Variants in GMDS observed in about 807,000 individuals in gnomAD.
The protein encoded by GMDS is GDP-mannose 4,6 dehydratase.
Under a neutral mutation model 49.9 loss-of-function variants are expected in GMDS, and 20 were observed. That is an observed-to-expected ratio of 0.40 (90% CI 0.28 to 0.58). The LOEUF is 0.58. Among genes scored for constraint, GMDS ranks in the 20% least tolerant of loss-of-function variants. GMDS has a pLI of 0.42. For missense variants in GMDS, 362 were observed against 481.4 expected (o/e 0.75, Z 2.32); for synonymous variants, 177 against 178.6 (o/e 0.99, Z 0.07).
In GMDS at chr6:2,119,238, C is replaced by A. The variant is rs538035224; in HGVS notation, c.148-1682G>T. 2.6e-5 allele frequency among the ~76,000 whole-genome samples: 4 copies of A among 152,216 alleles called. No homozygotes were observed. In the South Asian group the frequency reaches 8.3e-4, roughly 32 times the overall value. ...GACATGCCATTTATTAATATATATT[C>A]ATTACATATAAACATAAAAAGCTTT... On this transcript the variant is annotated intron_variant, in intron 2 of 10. Transcript: ENST00000380815.
intron 7 of GMDS, among the ~76,000 whole-genome samples, chr6:1,820,575 C>G (rs1227072806): frequency 6.6e-6 from 1 of 152,124 alleles, no homozygotes; most frequent in Non-Finnish European, 1.5e-5. Context: ...CAATTCCATA[C>G]AGATGAATTA....
At chr6:1,691,494 A>G (rs1765173653) in intron 9 of GMDS, among the ~76,000 whole-genome samples, 1 of 152,288 alleles carries the variant, frequency 6.6e-6, no homozygotes, top group East Asian at 1.9e-4. Context: ...CATCCTGCAC[A>G]TGGTCCCCGG....
chr6:2,073,137 G>A (rs1328188198), intron 4 of GMDS, among the ~76,000 whole-genome samples: 1 of 152,100 alleles, frequency 6.6e-6, no homozygotes, highest in African/African-American at 2.4e-5. Context: ...ATTTCTGCCC[G>A]CACCGCTTTG....
chr6:1,736,991 C>T (rs1418630440), intron 8 of GMDS, among the ~76,000 whole-genome samples: 2 of 152,188 alleles, frequency 1.3e-5, no homozygotes, highest in African/African-American at 2.4e-5. Flanking sequence ...GATCGGCCTC[C>T]AGAGGCTTCA....
chr6:1,737,786 TACAC>T (rs1255397961), intron 8 of GMDS, among the ~76,000 whole-genome samples: 7 of 84,030 alleles, frequency 8.3e-5, no homozygotes, highest in African/African-American at 3.1e-4. Flanking sequence ...TACACATACA[TACAC>T]ACATACATAC....
intron 7 of GMDS, among the ~76,000 whole-genome samples, chr6:1,758,253 T>A (rs1000634907): frequency 1.3e-5 from 2 of 152,242 alleles, no homozygotes; most frequent in African/African-American, 4.8e-5. Flanking sequence ...CCTCCTCCCT[T>A]CTTGGTCATT....
chr6:1,676,767 A>C (rs987968998), intron 9 of GMDS, among the ~76,000 whole-genome samples: 5 of 152,328 alleles, frequency 3.3e-5, no homozygotes, highest in Non-Finnish European at 5.9e-5. Context: ...CTTACATCTT[A>C]TAGAAAAATT....
At chr6:1,679,994 G>C (rs1466288872) in intron 9 of GMDS, 4 of 152,224 alleles carry the variant, frequency 2.6e-5, no homozygotes, top group African/African-American at 9.6e-5. Context: ...ATTGTTCTTG[G>C]ATGTCACAGC....
At chr6:1,948,212 T>C (rs1312500645) in intron 6 of GMDS, among the ~76,000 whole-genome samples, 1 of 152,328 alleles carries the variant, frequency 6.6e-6, no homozygotes, top group African/African-American at 2.4e-5. Flanking sequence ...AACACTTCTA[T>C]ATCCTTACGT....
At chr6:1,785,828 C>T (rs1769294112) in intron 7 of GMDS, among the ~76,000 whole-genome samples, 1 of 152,242 alleles carries the variant, frequency 6.6e-6, no homozygotes, top group Admixed American at 6.5e-5. Flanking sequence ...TCTCTGTGAG[C>T]TTCAGCAGTG....
chr6:1,647,651 G>C (rs1013928845), intron 9 of GMDS, among the ~76,000 whole-genome samples: 7 of 152,198 alleles, frequency 4.6e-5, no homozygotes, highest in Admixed American at 2.6e-4. Context: ...CACTGACTTA[G>C]TTCCTGGGCA....
intron 7 of GMDS, among the ~76,000 whole-genome samples, chr6:1,918,572 C>T (rs1322512008): frequency 6.6e-6 from 1 of 151,674 alleles, no homozygotes; most frequent in East Asian, 1.9e-4. Flanking sequence ...ATAGGGAGGC[C>T]TCATCTCTAC....
intron 9 of GMDS, among the ~76,000 whole-genome samples, chr6:1,653,190 G>C (rs913062138): frequency 6.6e-6 from 1 of 151,954 alleles, no homozygotes; most frequent in East Asian, 1.9e-4. Flanking sequence ...TGTTTAAACT[G>C]GACTGTACAC....
chr6:1,656,907 C>G (rs567789848), intron 9 of GMDS, among the ~76,000 whole-genome samples: 1 of 152,090 alleles, frequency 6.6e-6, no homozygotes, highest in Non-Finnish European at 1.5e-5. Context: ...AGCCTCTTCC[C>G]CAGGAGGCAA....
rs1408599050 is a variant in GMDS, at chr6:2,115,874, T to C, written c.242A>G (p.Lys81Arg). ...NPQAHIEGNM[K>R]LHYGDLTDST... ...GTCAGTGAGATCGCCATAGTGCAAC[T>C]TCATGTCTTCAGGATACAAAAACAT... The change falls in exon 4 of 11, where the codon AAG (lysine) becomes AGG (arginine). Residue 81 changes from lysine (K) to arginine (R), a missense_variant. Transcript: ENST00000380815. 1 of 1,560,054 alleles carries C rather than the reference T, an allele frequency of 6.4e-7. No individual in the cohort carries two copies. The highest frequency in any genetic ancestry group is 2.2e-5 in the East Asian group (1 of 44,628).
chr6:1,886,405 AGTT>A (rs1227866359), intron 7 of GMDS, among the ~76,000 whole-genome samples: 3 of 152,250 alleles, frequency 2.0e-5, no homozygotes, highest in Non-Finnish European at 4.4e-5. Context: ...TTAGAGACCC[AGTT>A]GTTGTGAATG....
intron 7 of GMDS, among the ~76,000 whole-genome samples, chr6:1,851,890 C>T (rs1434247172): frequency 1.3e-5 from 2 of 152,160 alleles, no homozygotes; most frequent in African/African-American, 2.4e-5. Flanking sequence ...AGCAGACATC[C>T]GGAGCAGGCA....
chr6:1,750,978 C>T (rs1767700712), intron 7 of GMDS, among the ~76,000 whole-genome samples: 1 of 152,188 alleles, frequency 6.6e-6, no homozygotes, highest in South Asian at 2.1e-4. Context: ...CGGCGGAGCC[C>T]ACCACAGCTT....
At chr6:2,045,182 A>G (rs1769925622) in intron 4 of GMDS, among the ~76,000 whole-genome samples, 1 of 151,904 alleles carries the variant, frequency 6.6e-6, no homozygotes, top group Admixed American at 6.6e-5. Context: ...ATCTTTTATC[A>G]TGTTAAAAAG....
Sources: allele counts gnomAD v4.1 joint callset (sites outside exome capture counted in the v4.1 genomes callset), GRCh38; gene constraint gnomAD v4.1.1; transcripts MANE v1.5; gene names NCBI Gene and HGNC (gene_info 2026-07-23, HGNC 2026-07-21).